Variants in SOS1 observed in about 807,000 individuals in gnomAD.
SOS1 encodes the protein SOS Ras/Rac guanine nucleotide exchange factor 1, also known as son of sevenless homolog 1.
Under a neutral mutation model 157.6 loss-of-function variants are expected in SOS1, and 25 were observed. The observed-to-expected ratio is 0.16, with a 90% CI of 0.12 to 0.22. SOS1 has a LOEUF of 0.22. Among genes scored for constraint, SOS1 ranks in the 10% least tolerant of loss-of-function variants. The probability of loss-of-function intolerance (pLI) is 1.00; values close to 1 mark genes in which losing one functional copy is unlikely to be tolerated. For synonymous variants in SOS1, 528 were observed against 534.0 expected (o/e 0.99, Z 0.16); for missense variants, 1,237 against 1,599.1 (o/e 0.77, Z 3.86).
intron 8 of SOS1, among the ~76,000 whole-genome samples, chr2:39,025,792 A>G (rs573993434): frequency 1.3e-5 from 2 of 152,336 alleles, no homozygotes; most frequent in South Asian, 4.1e-4. Flanking sequence ...AATCAGTTAC[A>G]TGCATGCGCA....
intron 1 of SOS1, among the ~76,000 whole-genome samples, chr2:39,110,520 A>G (rs759842927): frequency 6.6e-6 from 1 of 152,146 alleles, no homozygotes; most frequent in Non-Finnish European, 1.5e-5. Flanking sequence ...CATACTGCCT[A>G]TGGCACAGCC....
Position 39,038,732 on chromosome 2 carries a change from C to CAA in SOS1, c.865-3234_865-3233dup, listed in dbSNP as rs534107281. Among the ~76,000 whole-genome samples, 22 of 18,218 alleles carry CAA rather than the reference C, an allele frequency of 1.2e-3. 5 individuals carry two copies. The highest frequency in any genetic ancestry group is 4.0e-3 in the East Asian group (3 of 742). 12.0% of individuals were successfully genotyped at this position (18,218 alleles called of 152,430 possible). A position where few individuals can be genotyped will look rare whatever the true frequency, so the allele number is the denominator to read the frequency against. On this transcript the variant is annotated intron_variant, in intron 6 of 22. Coordinates refer to ENST00000402219, the MANE Select transcript of SOS1 (RefSeq NM_005633.4). ...CTGGCAACAAAATGAGACTCCGTCT[C>CAA]AAAAAAAAAAAAAAAAGTCGTTTCT...
At chr2:39,055,229 T>A (rs1671171492) in intron 4 of SOS1, among the ~76,000 whole-genome samples, 1 of 152,158 alleles carries the variant, frequency 6.6e-6, no homozygotes, top group African/African-American at 2.4e-5. Context: ...TTTCCTACAT[T>A]TGTTGGGAAT....
At chr2:39,045,761 G>A (rs529397875) in intron 6 of SOS1, among the ~76,000 whole-genome samples, 1 of 152,314 alleles carries the variant, frequency 6.6e-6, no homozygotes, top group African/African-American at 2.4e-5. Context: ...CCAGGCTGGA[G>A]TGCAGTGGCA....
intron 1 of SOS1, among the ~76,000 whole-genome samples, chr2:39,110,074 G>GTGTTTGTGTGTGTGTA (rs1558518286): frequency 4.7e-5 from 7 of 150,490 alleles, no homozygotes; most frequent in African/African-American, 1.7e-4. Context: ...GTGTGTGTGT[G>GTGTTTGTGTGTGTGTA]TGTGTATGTG....
chr2:39,100,049 T>C (rs939799559), intron 1 of SOS1, among the ~76,000 whole-genome samples: 3 of 152,052 alleles, frequency 2.0e-5, no homozygotes, highest in African/African-American at 4.8e-5. Flanking sequence ...GACATACTAA[T>C]GACAAACAGG....
At position 39,013,443 on chromosome 2, in the gene SOS1, T is replaced by TAAA; in HGVS notation, c.2167+14_2167+16dup. ...TTTATTACATATAAAACTAGGCACC[T>TAAA]AAAAAAAAAAACATACCTCTTACTG... On this transcript the variant is annotated intron_variant, in intron 13 of 22. Transcript: ENST00000402219. The TAAA allele has an allele frequency of 1.8e-6, 2 of 1,137,038 alleles. No individual in the cohort carries two copies. The highest frequency in any genetic ancestry group is 2.5e-6 in the Non-Finnish European group (2 of 798,424). The allele number at this position is 1,137,038 out of a possible 1,614,324, so 70.4% of individuals were successfully genotyped here.
At chr2:39,096,956 T>C (rs1313005055) in intron 1 of SOS1, among the ~76,000 whole-genome samples, 1 of 151,710 alleles carries the variant, frequency 6.6e-6, no homozygotes, top group East Asian at 1.9e-4. Flanking sequence ...TTGCCAGAAA[T>C]AAAATCCCTA....
rs191024283 is a variant in SOS1 at position 38,999,373 on chromosome 2, G to C, written c.2792-1948C>G. 2.1e-3 allele frequency among the ~76,000 whole-genome samples: 324 copies of C among 152,218 alleles called. 1 individual carries two copies. Among genetic ancestry groups the C allele is most frequent in the African/African-American group, 7.4e-3 (307 of 41,532 alleles). Reference sequence around the variant, plus strand: ...TACTTCTAAATGCTTTTGTGGTAGAGGCATACACCACAGAAATCTTTGGCC... The same window carrying C: ...TACTTCTAAATGCTTTTGTGGTAGACGCATACACCACAGAAATCTTTGGCC... On this transcript the variant is annotated intron_variant, in intron 17 of 22. Coordinates refer to ENST00000402219, the MANE Select transcript of SOS1 (RefSeq NM_005633.4).
chr2:39,083,852 A>T lies in SOS1; in HGVS notation c.88-16099T>A, dbSNP rs184947283. ...GGATACACTGTGGAATATGATTGTT[A>T]TGGGCTGAATAGTGTCCCTCCAAAA... is the stretch of plus-strand genomic sequence containing the variant. On this transcript the variant is annotated intron_variant, in intron 1 of 22. Transcript: ENST00000402219. 6.4e-4 allele frequency among the ~76,000 whole-genome samples: 97 copies of T among 152,352 alleles called. No homozygotes were observed. In the East Asian group the frequency reaches 9.3e-3, roughly 15 times the overall value.
At chr2:39,094,783 A>G (rs1199379371) in intron 1 of SOS1, among the ~76,000 whole-genome samples, 1 of 152,234 alleles carries the variant, frequency 6.6e-6, no homozygotes, top group Non-Finnish European at 1.5e-5. Flanking sequence ...AAAAATTTCT[A>G]AGGACTCTTT....
chr2:39,034,951 A>G, intron 8 of SOS1: 1 of 529,828 alleles, frequency 1.9e-6, no homozygotes, highest in Non-Finnish European at 3.5e-6. Context: ...AATTGCTTTA[A>G]CATTCACTAA....
Position 39,007,021 on chromosome 2 carries a change from A to G in SOS1, c.2673+10T>C. On this transcript the variant is annotated intron_variant, in intron 16 of 22. Coordinates refer to ENST00000402219, the MANE Select transcript of SOS1 (RefSeq NM_005633.4). ...GAAAGTTCATTTTAAAAACACATGT[A>G]GAAACCTACCTCAAATGTGTGGTCT... The G allele has an allele frequency of 3.1e-6, 5 of 1,592,974 alleles. No individual in the cohort carries two copies. Among genetic ancestry groups the G allele is most frequent in the South Asian group, 1.1e-5 (1 of 90,414 alleles).
intron 20 of SOS1, among the ~76,000 whole-genome samples, chr2:38,989,993 G>A (rs996679290): frequency 6.6e-5 from 10 of 152,028 alleles, no homozygotes; most frequent in African/African-American, 9.7e-5. Context: ...AGCCCCAAGA[G>A]CATTAAAGTA....
At chr2:39,021,503 GTCT>G (rs1398770315) in intron 10 of SOS1, among the ~76,000 whole-genome samples, 1 of 126,116 alleles carries the variant, frequency 7.9e-6, no homozygotes, top group African/African-American at 2.9e-5. Context: ...CTAGTAGTAA[GTCT>G]TCTTACAATG....
At chr2:39,082,241 A>C (rs938325866) in intron 1 of SOS1, among the ~76,000 whole-genome samples, 6 of 152,206 alleles carry the variant, frequency 3.9e-5, no homozygotes, top group African/African-American at 1.4e-4. Flanking sequence ...AATAGTAAAT[A>C]GTTAATTATT....
chr2:38,997,606 AT>A (rs4015854), intron 17 of SOS1, among the ~76,000 whole-genome samples, 181 bp from the exon 18 acceptor site: 6 of 146,356 alleles, frequency 4.1e-5, no homozygotes, highest in South Asian at 2.1e-4. Flanking sequence ...AAAGACTTAA[AT>A]TTTTTTTTTT....
Position 38,985,760 on chromosome 2 carries a change from C to T in SOS1, c.*64G>A, listed in dbSNP as rs2124453728. On this transcript the variant is annotated 3_prime_UTR_variant, in exon 23 of 23. Transcript: ENST00000402219. ...TTTAACTCCTCAGTGCTGGCACATT[C>T]AGTGCATCCATTGCCAGCAATGGAT... The T allele has an allele frequency of 6.5e-7, 1 of 1,547,412 alleles. No individual in the cohort carries two copies. The highest frequency in any genetic ancestry group is 1.8e-4 in the Middle Eastern group (1 of 5,448).
At chr2:39,056,950 C>A in intron 3 of SOS1, 84 bp from the exon 4 acceptor site, 1 of 997,564 alleles carries the variant, frequency 1.0e-6, no homozygotes, top group Non-Finnish European at 1.6e-6. Flanking sequence ...CATATTTGCA[C>A]CTTAACTTAC....
Sources: allele counts gnomAD v4.1 joint callset (sites outside exome capture counted in the v4.1 genomes callset), GRCh38; gene constraint gnomAD v4.1.1; transcripts MANE v1.5; gene names NCBI Gene and HGNC (gene_info 2026-07-23, HGNC 2026-07-21).